CCSER1: variants seen among roughly 807,000 people sequenced by gnomAD.
CCSER1 encodes serine-rich coiled-coil domain-containing protein 1.
Under a neutral mutation model 82.0 loss-of-function variants are expected in CCSER1, and 41 were observed. The ratio of observed to expected loss-of-function variants is 0.50; its 90% CI spans 0.39 to 0.65. CCSER1 has a LOEUF of 0.65. Among genes scored for constraint, CCSER1 ranks in the 30% least tolerant of loss-of-function variants. CCSER1 has a pLI of 0.00. For synonymous variants in CCSER1, 414 were observed against 383.9 expected, an observed-to-expected ratio of 1.08 and a Z score of -0.92; for missense variants, 1,119 against 1,064.2, an observed-to-expected ratio of 1.05 and a Z score of -0.72.
At position 90,795,180 on chromosome 4, in the gene CCSER1, G is replaced by A. The variant is rs375698642; in HGVS notation, c.2011-20582G>A. On this transcript the variant is annotated intron_variant, in intron 7 of 10. Transcript: ENST00000509176. Reference sequence around the variant, plus strand: ...CGGGCACCTGTAATCCCAACTACTCGGGAGACTGAGGCAGAAGAATCACTT... The same window carrying A: ...CGGGCACCTGTAATCCCAACTACTCAGGAGACTGAGGCAGAAGAATCACTT... Among the ~76,000 whole-genome samples, 8 of 151,912 alleles carry A rather than the reference G, an allele frequency of 5.3e-5. No individual in the cohort carries two copies. The South Asian group carries it at 1.0e-3, about 20-fold the overall frequency.
At chr4:91,311,009 T>A (rs1178896092) in intron 10 of CCSER1, among the ~76,000 whole-genome samples, 3 of 151,996 alleles carry the variant, frequency 2.0e-5, no homozygotes, top group Non-Finnish European at 4.4e-5. Context: ...TAGACCTGCT[T>A]ATGTATAACT....
At chr4:91,540,527 G>A (rs1282715039) in intron 10 of CCSER1, among the ~76,000 whole-genome samples, 1 of 151,894 alleles carries the variant, frequency 6.6e-6, no homozygotes, top group Non-Finnish European at 1.5e-5. Flanking sequence ...TCTTGATATT[G>A]TCTTTTGCAA....
chr4:90,420,271 A>G (rs1369509555), intron 4 of CCSER1, among the ~76,000 whole-genome samples: 2 of 152,032 alleles, frequency 1.3e-5, no homozygotes, highest in Non-Finnish European at 2.9e-5. Context: ...TAAAATAGTA[A>G]CATTCACCTG....
chr4:90,298,299 A>C lies in CCSER1; in HGVS notation c.-41-9945A>C, dbSNP rs28822818. Among the ~76,000 whole-genome samples, 387 of 152,090 alleles carry C rather than the reference A, an allele frequency of 2.5e-3. 2 individuals are homozygous for C. The highest frequency in any genetic ancestry group is 9.1e-3 in the African/African-American group (376 of 41,484). On this transcript the variant is annotated intron_variant, in intron 1 of 10. Transcript: ENST00000509176. ...TTTATGTAGGGGTGTTTGTAGTATT[A>C]TCTGATGTTAGTTTGTATTTCTGTG...
At chr4:91,222,604 A>G (rs1317194108) in intron 10 of CCSER1, among the ~76,000 whole-genome samples, 4 of 152,110 alleles carry the variant, frequency 2.6e-5, no homozygotes, top group Non-Finnish European at 5.9e-5. Context: ...TTCAACTTTA[A>G]AGCCAAATTA....
intron 9 of CCSER1, among the ~76,000 whole-genome samples, chr4:90,941,409 T>C (rs1330846924): frequency 2.0e-5 from 3 of 152,166 alleles, no homozygotes; most frequent in African/African-American, 7.2e-5. Flanking sequence ...ATACATATGA[T>C]TTTATTGTGA....
At chr4:91,456,654 A>T (rs1756193225) in intron 10 of CCSER1, among the ~76,000 whole-genome samples, 1 of 152,046 alleles carries the variant, frequency 6.6e-6, no homozygotes, top group East Asian at 1.9e-4. Flanking sequence ...CTATCATTTT[A>T]CTTATTCCAA....
chr4:91,139,937 A>G (rs1284430855), intron 10 of CCSER1, among the ~76,000 whole-genome samples: 1 of 152,154 alleles, frequency 6.6e-6, no homozygotes, highest in Non-Finnish European at 1.5e-5. Flanking sequence ...TGTTCATGAG[A>G]AAAAGTTAAC....
intron 5 of CCSER1, among the ~76,000 whole-genome samples, chr4:90,547,315 C>T (rs1377708963): frequency 6.6e-6 from 1 of 151,730 alleles, no homozygotes; most frequent in African/African-American, 2.4e-5. Context: ...TTGATTTACT[C>T]TTTTGAAACT....
chr4:90,233,329 C>T (rs899855158), intron 1 of CCSER1, among the ~76,000 whole-genome samples: 12 of 151,736 alleles, frequency 7.9e-5, no homozygotes, highest in East Asian at 7.7e-4. Context: ...TGTAGGGACA[C>T]GGATGAAATT....
At chr4:91,246,375 A>C (rs1158374600) in intron 10 of CCSER1, among the ~76,000 whole-genome samples, 1 of 152,184 alleles carries the variant, frequency 6.6e-6, no homozygotes, top group African/African-American at 2.4e-5. Context: ...ACAGATACAC[A>C]AAAAATTAAA....
chr4:91,523,316 G>T (rs1334131207), intron 10 of CCSER1, among the ~76,000 whole-genome samples: 2 of 152,172 alleles, frequency 1.3e-5, no homozygotes, highest in African/African-American at 4.8e-5. Context: ...GTTCATCAGG[G>T]ATATTGGTCT....
At chr4:91,015,111 G>A (rs191131603) in intron 9 of CCSER1, among the ~76,000 whole-genome samples, 24 of 152,138 alleles carry the variant, frequency 1.6e-4, no homozygotes, top group African/African-American at 5.8e-4. Context: ...ATTAACTGAT[G>A]TTAGTCTGTG....
intron 8 of CCSER1, among the ~76,000 whole-genome samples, chr4:90,902,679 G>A (rs1156261664): frequency 3.9e-5 from 6 of 152,026 alleles, no homozygotes; most frequent in African/African-American, 9.7e-5. Flanking sequence ...GAAGGACTCA[G>A]GAAGCTTATT....
chr4:90,908,126 AC>A (rs1477729159), intron 8 of CCSER1, among the ~76,000 whole-genome samples: 1 of 152,202 alleles, frequency 6.6e-6, no homozygotes, highest in Admixed American at 6.6e-5. Flanking sequence ...GGCAGACCAA[AC>A]ATAGGCAAAC....
intron 10 of CCSER1, among the ~76,000 whole-genome samples, chr4:91,474,892 G>GGA: frequency 6.6e-6 from 1 of 150,664 alleles, no homozygotes; most frequent in African/African-American, 2.4e-5. Flanking sequence ...ATGACTCAGT[G>GGA]TAAAACTGCA....
chr4:90,828,093 C>T (rs762225347), intron 8 of CCSER1, among the ~76,000 whole-genome samples: 4 of 152,080 alleles, frequency 2.6e-5, no homozygotes, highest in Non-Finnish European at 5.9e-5. Flanking sequence ...ATGCAGCCCT[C>T]AGGGAGAGGA....
intron 4 of CCSER1, among the ~76,000 whole-genome samples, chr4:90,415,657 A>G (rs956249491): frequency 1.3e-5 from 2 of 152,252 alleles, no homozygotes; most frequent in East Asian, 3.8e-4. Flanking sequence ...GCATATTCTA[A>G]ATAAGAATTT....
chr4:90,227,247 A>G lies in CCSER1; in HGVS notation c.-41-80997A>G, dbSNP rs143496452. Among the ~76,000 whole-genome samples, 44 of 152,368 alleles carry G rather than the reference A, an allele frequency of 2.9e-4. No homozygotes were observed. In the East Asian group the frequency reaches 7.9e-3, roughly 27 times the overall value. On this transcript the variant is annotated intron_variant, in intron 1 of 10. Transcript: ENST00000509176. ...ATCTGTAGTTTGTTTGCTTTTAGGTAGAGTTGGATAATCATTTTACAACAA... is the reference window on the plus strand; with the variant it reads ...ATCTGTAGTTTGTTTGCTTTTAGGTGGAGTTGGATAATCATTTTACAACAA...
Sources: allele counts gnomAD v4.1 joint callset (sites outside exome capture counted in the v4.1 genomes callset), GRCh38; gene constraint gnomAD v4.1.1; transcripts MANE v1.5; gene names NCBI Gene and HGNC (gene_info 2026-07-23, HGNC 2026-07-21).